Variants in DISC1 observed in about 807,000 individuals in gnomAD.
The protein encoded by DISC1 is DISC1 scaffold protein, also known as disrupted in schizophrenia 1 protein.
In DISC1, 57 loss-of-function variants were observed where a neutral mutation model predicts 84.5. The ratio of observed to expected loss-of-function variants is 0.67; its 90% CI spans 0.55 to 0.84. The LOEUF (loss-of-function observed/expected upper bound fraction) is 0.84. Ranked by LOEUF, DISC1 falls within the 40% of genes least tolerant of loss-of-function variation. The probability of loss-of-function intolerance (pLI) is 0.00; values close to 1 mark genes in which losing one functional copy is unlikely to be tolerated. For synonymous variants in DISC1, 411 were observed against 415.2 expected, an observed-to-expected ratio of 0.99 and a Z score of 0.12; for missense variants, 1,000 against 1,057.8, an observed-to-expected ratio of 0.95 and a Z score of 0.76.
intron 1 of DISC1, among the ~76,000 whole-genome samples, chr1:231,669,984 A>G (rs962782000): frequency 6.6e-6 from 1 of 152,224 alleles, no homozygotes; most frequent in East Asian, 1.9e-4. Flanking sequence ...ATGCCAATCA[A>G]TGATAGACTG....
intron 1 of DISC1, among the ~76,000 whole-genome samples, chr1:231,641,628 C>T (rs2059694905): frequency 6.6e-6 from 1 of 152,240 alleles, no homozygotes; most frequent in Admixed American, 6.5e-5. Context: ...ATTCTCTTAT[C>T]TGGCCCCACC....
intron 3 of DISC1, among the ~76,000 whole-genome samples, chr1:231,713,790 A>G (rs1354657985): frequency 6.9e-5 from 10 of 144,476 alleles, no homozygotes; most frequent in Non-Finnish European, 7.5e-5. Context: ...ATATATATAT[A>G]GGAGATATAT....
rs200539398 is a variant in DISC1 at position 231,659,443 on chromosome 1, A to AT, written c.67+32516dup. On this transcript the variant is annotated intron_variant, in intron 1 of 12. Transcript: ENST00000439617. ...AAAAAACCAGTTTCTGGATTTGTTG[A>AT]TTTTTTTGAAGGGTTTTTTGTGTCT... Among the ~76,000 whole-genome samples the AT allele has an allele frequency of 7.0e-3, 1,061 of 151,594 alleles. 10 individuals are homozygous for AT. Among genetic ancestry groups the AT allele is most frequent in the Non-Finnish European group, 9.3e-3 (633 of 67,852 alleles).
At chr1:231,632,985 C>T (rs927023003) in intron 1 of DISC1, among the ~76,000 whole-genome samples, 5 of 152,260 alleles carry the variant, frequency 3.3e-5, no homozygotes, top group East Asian at 3.9e-4. Flanking sequence ...GCTGGAGAAT[C>T]GCTTGAACCT....
At chr1:231,937,454 T>C (rs1178831897) in intron 9 of DISC1, among the ~76,000 whole-genome samples, 1 of 152,252 alleles carries the variant, frequency 6.6e-6, no homozygotes, top group Non-Finnish European at 1.5e-5. Context: ...CTTGATTCTC[T>C]GCTTCCTCTG....
At chr1:231,700,089 A>G (rs2066220190) in intron 2 of DISC1, among the ~76,000 whole-genome samples, 1 of 152,104 alleles carries the variant, frequency 6.6e-6, no homozygotes, top group East Asian at 1.9e-4. Flanking sequence ...TCAAATTGCA[A>G]CCTCTACCCT....
intron 1 of DISC1, chr1:231,629,525 C>G (rs1267451370): frequency 6.6e-6 from 1 of 152,554 alleles, no homozygotes; most frequent in Non-Finnish European, 1.5e-5. Context: ...TTTTGTTTTT[C>G]CAAAAGCAAT....
chr1:232,031,867 T>A lies in DISC1; in HGVS notation c.2426-4825T>A, dbSNP rs944861570. On this transcript the variant is annotated intron_variant, in intron 12 of 12. Transcript: ENST00000439617. The surrounding 1 kb of genome is among the most constrained non-coding windows in gnomAD (Gnocchi z 4.6). ...GATCCTCATGGCTTTTCCATGAGGA[T>A]CTCCAGTACCAAATTCTCCAGCACT... Among the ~76,000 whole-genome samples, 4 of 152,132 alleles carry A rather than the reference T, an allele frequency of 2.6e-5. No individual in the cohort carries two copies. Among genetic ancestry groups the A allele is most frequent in the Admixed American group, 1.3e-4 (2 of 15,288 alleles).
chr1:231,905,136 A>C (rs978085500), intron 9 of DISC1, among the ~76,000 whole-genome samples: 1 of 152,214 alleles, frequency 6.6e-6, no homozygotes, highest in Non-Finnish European at 1.5e-5. Flanking sequence ...ATCATCAGCA[A>C]TGGGACAAGT....
intron 12 of DISC1, among the ~76,000 whole-genome samples, chr1:232,034,479 A>G (rs866403387): frequency 6.6e-6 from 1 of 152,196 alleles, no homozygotes; most frequent in Non-Finnish European, 1.5e-5. Context: ...TGAGCGGCTG[A>G]TGTGTTAATT....
intron 8 of DISC1, among the ~76,000 whole-genome samples, chr1:231,816,362 C>G (rs1221975055): frequency 6.6e-6 from 1 of 152,178 alleles, no homozygotes; most frequent in African/African-American, 2.4e-5. Context: ...CAATGATTTT[C>G]TCCAAGTCTG....
chr1:231,651,258 G>A (rs1334928283), intron 1 of DISC1, among the ~76,000 whole-genome samples: 1 of 152,190 alleles, frequency 6.6e-6, no homozygotes, highest in African/African-American at 2.4e-5. Context: ...TGGTGTGGAT[G>A]TCCTTTTTGT....
Position 232,008,910 on chromosome 1 carries a change from A to T in DISC1, c.2168A>T (p.Asp723Val). The change falls in exon 11 of 13, where the codon GAT becomes GTT. Residue 723 changes from aspartate to valine, a missense_variant. By Grantham distance (152) the Asp-to-Val change is radical. Around this residue, in one of 3 missense-constraint regions of DISC1, gnomAD observed 397 missense variants for 377.5 expected, o/e 1.05. Coordinates refer to ENST00000439617, the MANE Select transcript of DISC1 (RefSeq NM_018662.3). ...TCTGTAGAAGATGAGAGGCAGATGG[A>T]TGACTTAGAGGGAGCTGCTCCTCCT... ...SLSVEDERQM[D>V]DLEGAAPPIP... 6.2e-7 allele frequency: 1 copy of T among 1,613,812 alleles called. No individual in the cohort carries two copies. The highest frequency in any genetic ancestry group is 8.5e-7 in the Non-Finnish European group (1 of 1,179,828).
At chr1:231,693,780 A>G (rs2065321508) in intron 1 of DISC1, 46 bp from the exon 2 acceptor site, 1 of 1,611,340 alleles carries the variant, frequency 6.2e-7, no homozygotes, top group Admixed American at 1.7e-5. Flanking sequence ...CAGCTGGGCC[A>G]GTAAGATCTG....
At chr1:231,856,080 G>A (rs2084251204) in intron 9 of DISC1, among the ~76,000 whole-genome samples, 1 of 152,196 alleles carries the variant, frequency 6.6e-6, no homozygotes, top group Admixed American at 6.5e-5. Flanking sequence ...ACAAATGTTT[G>A]TCAAGCTGTG....
chr1:231,732,188 G>A (rs561269015), intron 3 of DISC1, among the ~76,000 whole-genome samples: 4 of 152,340 alleles, frequency 2.6e-5, no homozygotes, highest in Non-Finnish European at 5.9e-5. Flanking sequence ...ATACTTTACA[G>A]TTGAGTTTGA....
chr1:231,957,683 A>C (rs974728633), intron 9 of DISC1, among the ~76,000 whole-genome samples: 7 of 152,212 alleles, frequency 4.6e-5, no homozygotes, highest in African/African-American at 1.4e-4. Flanking sequence ...CAACTTAAAC[A>C]GTTGTTTTCA....
At chr1:231,990,886 A>G (rs1007084192) in intron 10 of DISC1, among the ~76,000 whole-genome samples, 1 of 152,204 alleles carries the variant, frequency 6.6e-6, no homozygotes, top group African/African-American at 2.4e-5. Flanking sequence ...TGGAGGTAAC[A>G]TCATCCCCTT....
chr1:231,825,687 C>A (rs903566320), intron 9 of DISC1, among the ~76,000 whole-genome samples: 1 of 151,966 alleles, frequency 6.6e-6, no homozygotes, highest in Non-Finnish European at 1.5e-5. Context: ...TTTTTCAATG[C>A]CCCCAGGTAG....
Sources: gnomAD v4.1 joint callset for allele counts (sites outside exome capture counted in the v4.1 genomes callset) on GRCh38, gnomAD v4.1.1 for gene constraint, gnomAD v4.1.1 regional missense constraint, Gnocchi (gnomAD v3.1) non-coding constraint, MANE v1.5 for transcripts, NCBI Gene and HGNC (gene_info 2026-07-23, HGNC 2026-07-21) for gene names.